The following ETNK2 variants were observed in gnomAD, a reference collection of about 807,000 sequenced individuals.
The protein encoded by ETNK2 is ethanolamine kinase-like protein.
Under a neutral mutation model 46.2 loss-of-function variants are expected in ETNK2, and 33 were observed. The observed-to-expected ratio is 0.71, with a 90% CI of 0.54 to 0.96. The LOEUF is 0.96. ETNK2 is among the 40% of genes least tolerant of loss of function. The pLI is 0.00. For missense variants in ETNK2, 445 were observed against 509.7 expected (o/e 0.87, Z 1.22); for synonymous variants, 194 against 209.0 (o/e 0.93, Z 0.62).
intron 3 of ETNK2, 74 bp downstream of exon 3, chr1:204,146,568 G>T (rs1558237298): frequency 1.1e-5 from 18 of 1,577,978 alleles, no homozygotes; most frequent in Non-Finnish European, 1.5e-5. Flanking sequence ...CTCCTAGCAG[G>T]GTGGGCTGGA....
chr1:204,137,389 G>A, intron 5 of ETNK2, 140 bp from the exon 6 acceptor site: 1 of 1,080,616 alleles, frequency 9.3e-7, no homozygotes, highest in Non-Finnish European at 1.3e-6. Context: ...GGCGGCCCGA[G>A]AAGGCAGCTT....
At chr1:204,140,866 AGGCTGGAGTGTAGT>A (rs1657491699) in intron 4 of ETNK2, among the ~76,000 whole-genome samples, 1 of 140,320 alleles carries the variant, frequency 7.1e-6, no homozygotes, top group Non-Finnish European at 1.5e-5. Flanking sequence ...TCTGTTGCCC[AGGCTGGAGTGTAGT>A]GGCTCCATCA....
In ETNK2 at chr1:204,151,055, C is replaced by A; in HGVS notation, c.258+540G>T. On this transcript the variant is annotated intron_variant, in intron 1 of 7. Transcript: ENST00000367202. This position sits in a 1 kb window ranked among gnomAD's most constrained non-coding sequence, Gnocchi z 8.0. ...GGGGAAGATGGCCTGTGTGGGGGTG[C>A]TGAGCCCGAGCCTGCAGCGATGGTG... 1 of 177,728 alleles carries A rather than the reference C, an allele frequency of 5.6e-6. No individual in the cohort carries two copies. 11.0% of individuals were successfully genotyped at this position (177,728 alleles called of 1,614,324 possible). A position where few individuals can be genotyped will look rare whatever the true frequency, so the allele number is the denominator to read the frequency against.
At chr1:204,139,499 ACT>A (rs1657415238) in intron 5 of ETNK2, among the ~76,000 whole-genome samples, 1 of 152,024 alleles carries the variant, frequency 6.6e-6, no homozygotes, top group Non-Finnish European at 1.5e-5. Flanking sequence ...GAGACTTGGA[ACT>A]CTCTAAAAGC....
intron 6 of ETNK2, among the ~76,000 whole-genome samples, chr1:204,136,713 C>T (rs1429512615): frequency 1.2e-5 from 1 of 80,086 alleles, no homozygotes; most frequent in Non-Finnish European, 2.7e-5. Flanking sequence ...GACTCTGCCT[C>T]AAAAAAAAAA....
In ETNK2 at chr1:204,137,113, CTTG is replaced by C; in HGVS notation, c.1002_1004del (p.Asn334del). On this transcript the variant is annotated inframe_deletion, in exon 6 of 8. Transcript: ENST00000367202. ...GAAATAAGGCACTCACCAGGGCAAA[CTTG>C]TTGACTTGCACGTAGAGCCTTTGCA... is the stretch of plus-strand genomic sequence containing the variant. The C allele has an allele frequency of 6.2e-7, 1 of 1,613,802 alleles. No individual in the cohort carries two copies. Among genetic ancestry groups the C allele is most frequent in the Non-Finnish European group, 8.5e-7 (1 of 1,179,772 alleles).
At chr1:204,141,581 G>T in intron 3 of ETNK2, 124 bp from the exon 4 acceptor site, 1 of 1,099,918 alleles carries the variant, frequency 9.1e-7, no homozygotes, top group Non-Finnish European at 1.3e-6. Context: ...TTGGAAAAAT[G>T]GCCAATCTCT....
chr1:204,135,903 G>A lies in ETNK2; in HGVS notation c.1014+1201C>T, dbSNP rs116765683. ...CATTAGCAATCCCTGGGCACACACCGGTGGAGACCTGGCATGAACCAGGTA... is the reference window on the plus strand; with the variant it reads ...CATTAGCAATCCCTGGGCACACACCAGTGGAGACCTGGCATGAACCAGGTA... On this transcript the variant is annotated intron_variant, in intron 6 of 7. Coordinates refer to ENST00000367202, the MANE Select transcript of ETNK2 (RefSeq NM_018208.4). Among the ~76,000 whole-genome samples the A allele has an allele frequency of 2.1e-3, 324 of 152,250 alleles. 2 individuals are homozygous for A. Among genetic ancestry groups the A allele is most frequent in the African/African-American group, 7.5e-3 (311 of 41,534 alleles).
intron 7 of ETNK2, among the ~76,000 whole-genome samples, chr1:204,132,837 T>C (rs1657125903): frequency 6.6e-6 from 1 of 152,226 alleles, no homozygotes; most frequent in Non-Finnish European, 1.5e-5. Context: ...CCGTTCTATA[T>C]TGTTAAGTAT....
At chr1:204,147,215 T>A (rs1249018189) in intron 2 of ETNK2, among the ~76,000 whole-genome samples, 1 of 152,180 alleles carries the variant, frequency 6.6e-6, no homozygotes, top group Non-Finnish European at 1.5e-5. Context: ...GGGGTGGTGA[T>A]GCCAGGCAGG....
At chr1:204,134,116 G>A (rs775804753) in intron 7 of ETNK2, among the ~76,000 whole-genome samples, 6 of 152,246 alleles carry the variant, frequency 3.9e-5, no homozygotes, top group Non-Finnish European at 5.9e-5. Flanking sequence ...GCTTCAGCAA[G>A]TCACTTCTGC....
Position 204,151,926 on chromosome 1 carries a change from G to A in ETNK2, c.-74C>T. 1 of 1,383,540 alleles carries A rather than the reference G, an allele frequency of 7.2e-7. No individual in the cohort carries two copies. Among genetic ancestry groups the A allele is most frequent in the Non-Finnish European group, 9.3e-7 (1 of 1,070,786 alleles). The allele number at this position is 1,383,540 out of a possible 1,614,324, so 85.7% of individuals were successfully genotyped here. On this transcript the variant is annotated 5_prime_UTR_variant, in exon 1 of 8. Transcript: ENST00000367202. This position sits in a 1 kb window ranked among gnomAD's most constrained non-coding sequence, Gnocchi z 8.0. Reference sequence around the variant, plus strand: ...GGGGGGGTCCGGCGAGGGAGTGGGAGTGGTAGAGGAGGGGCCAGGGGAAGT... The same window carrying A: ...GGGGGGGTCCGGCGAGGGAGTGGGAATGGTAGAGGAGGGGCCAGGGGAAGT...
Position 204,141,596 on chromosome 1 carries a change from C to T in ETNK2, c.642-139G>A, listed in dbSNP as rs1392075786. The T allele has an allele frequency of 1.1e-5, 10 of 889,270 alleles. No homozygotes were observed. The Admixed American group carries it at 2.7e-4, about 24-fold the overall frequency. The allele number at this position is 889,270 out of a possible 1,614,324, so 55.1% of individuals were successfully genotyped here. On this transcript the variant is annotated intron_variant, in intron 3 of 7. Coordinates refer to ENST00000367202, the MANE Select transcript of ETNK2 (RefSeq NM_018208.4). The stretch of plus-strand genomic sequence containing the variant: ...TTGGAAAAATGGCCAATCTCTTAGA[C>T]CCTCACTTTTATCATCTGTAAAATG...
chr1:204,148,634 A>C (rs898499049), intron 2 of ETNK2, among the ~76,000 whole-genome samples: 1 of 151,166 alleles, frequency 6.6e-6, no homozygotes, highest in Admixed American at 6.6e-5. Flanking sequence ...CAACTCAAAT[A>C]TCCCGCCTGA....
chr1:204,147,051 G>A (rs1304211295), intron 2 of ETNK2: 1 of 560,712 alleles, frequency 1.8e-6, no homozygotes, highest in Non-Finnish European at 3.5e-6. Context: ...TTGGTCACAG[G>A]TCAGTGGCCT....
Position 204,143,446 on chromosome 1 carries a change from T to C in ETNK2, c.642-1989A>G, listed in dbSNP as rs1027118504. Among the ~76,000 whole-genome samples, 12 of 134,354 alleles carry C rather than the reference T, an allele frequency of 8.9e-5. No homozygotes were observed. In the South Asian group the frequency reaches 2.9e-3, roughly 32 times the overall value. 88.1% of individuals were successfully genotyped at this position (134,354 alleles called of 152,430 possible). A position where few individuals can be genotyped will look rare whatever the true frequency, so the allele number is the denominator to read the frequency against. ...TCTATCTCCCCGGGGCCTCCCTCCC[T>C]GCTCTGCTTCCCTCCCCTGAGCACT... On this transcript the variant is annotated intron_variant, in intron 3 of 7. Transcript: ENST00000367202.
At chr1:204,143,258 A>G (rs913895706) in intron 3 of ETNK2, among the ~76,000 whole-genome samples, 2 of 152,032 alleles carry the variant, frequency 1.3e-5, no homozygotes, top group Non-Finnish European at 2.9e-5. Flanking sequence ...GACCATCAAA[A>G]GGGAAGAATT....
In ETNK2 at chr1:204,134,554, A is replaced by G. The variant is rs1464521570; in HGVS notation, c.1049T>C (p.Ile350Thr). Residue 350 changes from isoleucine to threonine, a missense_variant, in exon 7 of 8, where the codon ATC (isoleucine) becomes ACC (threonine). Transcript: ENST00000367202. Reference protein sequence around the residue: ...SHFFWALWALIQNQYSTIDFD... With the variant: ...SHFFWALWALTQNQYSTIDFD... The stretch of plus-strand genomic sequence containing the variant: ...GTCGATGGTGGAGTACTGGTTCTGG[A>G]TGAGGGCCCAGAGAGCCCAGAAGAA... The G allele has an allele frequency of 6.2e-7, 1 of 1,613,992 alleles. No homozygotes were observed. The highest frequency in any genetic ancestry group is 1.3e-5 in the African/African-American group (1 of 75,046).
chr1:204,135,348 C>T (rs1657241223), intron 6 of ETNK2, among the ~76,000 whole-genome samples: 1 of 152,114 alleles, frequency 6.6e-6, no homozygotes, highest in African/African-American at 2.4e-5. Context: ...GGTGATGAAA[C>T]AATCTGTACA....
Sources: allele counts gnomAD v4.1 joint callset (sites outside exome capture counted in the v4.1 genomes callset), GRCh38; gene constraint gnomAD v4.1.1; non-coding constraint Gnocchi (gnomAD v3.1); transcripts MANE v1.5; gene names NCBI Gene and HGNC (gene_info 2026-07-23, HGNC 2026-07-21).